Variants in ASIC1 observed in about 807,000 individuals in gnomAD.
The protein encoded by ASIC1 is acid-sensing ion channel 1.
In ASIC1, 21 loss-of-function variants were observed where a neutral mutation model predicts 63.4. The observed-to-expected ratio is 0.33, with a 90% confidence interval of 0.23 to 0.48. The LOEUF (loss-of-function observed/expected upper bound fraction) is 0.48. ASIC1 is among the 20% of genes least tolerant of loss of function. The pLI, the probability that ASIC1 is intolerant of heterozygous loss-of-function variation, is 0.99. For synonymous variants in ASIC1, 258 were observed against 278.2 expected, an observed-to-expected ratio of 0.93 and a Z score of 0.72; for missense variants, 478 against 695.5, an observed-to-expected ratio of 0.69 and a Z score of 3.52.
At position 50,083,176 on chromosome 12, in the gene ASIC1, T is replaced by C. The variant is rs1950738484; in HGVS notation, c.*1527T>C. On this transcript the variant is annotated 3_prime_UTR_variant, in exon 12 of 12. Transcript: ENST00000447966. ...TGCCCAGCCCCCTTTCCTCACCTGA[T>C]ACCCAAGCCCACCACTTTTATTTTC... 6.6e-6 allele frequency: 1 copy of C among 152,244 alleles called. No homozygotes were observed. The highest frequency in any genetic ancestry group is 6.5e-5 in the Admixed American group (1 of 15,278). The allele number at this position is 152,244 out of a possible 1,614,324, so 9.4% of individuals were successfully genotyped here.
At chr12:50,062,724 C>A (rs564191861) in intron 3 of ASIC1, among the ~76,000 whole-genome samples, 1 of 152,316 alleles carries the variant, frequency 6.6e-6, no homozygotes, top group East Asian at 1.9e-4. Flanking sequence ...CATAAGAAGA[C>A]AATTCAGGGA....
Position 50,081,354 on chromosome 12 carries a change from T to C in ASIC1, c.1472T>C (p.Val491Ala). 4 of 1,603,818 alleles carry C rather than the reference T, an allele frequency of 2.5e-6. No homozygotes were observed. The highest frequency in any genetic ancestry group is 3.4e-6 in the Non-Finnish European group (4 of 1,175,382). The change falls in exon 11 of 12, where the codon GTC (valine) becomes GCC (alanine). Residue 491 changes from valine to alanine, a missense_variant. This residue lies in a region of ASIC1 where 104 missense variants were observed against 97.0 expected (regional missense o/e 1.07). Coordinates refer to ENST00000447966, the MANE Select transcript of ASIC1 (RefSeq NM_001095.4). ...DKGVALSLDD[V>A]KRHNPCESLR... ...GGCGTGGCCCTCAGCCTGGACGACGTCAAAAGACACGTGAGGGAGCGAGCG... is the reference window on the plus strand; with the variant it reads ...GGCGTGGCCCTCAGCCTGGACGACGCCAAAAGACACGTGAGGGAGCGAGCG...
chr12:50,073,939 C>T (rs146037659), intron 3 of ASIC1: 2 of 1,535,910 alleles, frequency 1.3e-6, no homozygotes, highest in African/African-American at 1.4e-5. Flanking sequence ...CAGCTACCCA[C>T]ACGTGACCCT....
Position 50,058,789 on chromosome 12 carries a change from A to G in ASIC1, c.23A>G (p.Glu8Gly). ...AGGATGGAACTGAAGGCCGAGGAGG[A>G]GGAGGTGGGTGGCGTCCAGCCGGTG... MELKAEEEEVGGVQPVSI... is the reference protein window; with the variant it reads MELKAEEGEVGGVQPVSI... Residue 8 changes from glutamate to glycine, a missense_variant, in exon 2 of 12, where the codon GAG (glutamate) becomes GGG (glycine). Coordinates refer to ENST00000447966, the MANE Select transcript of ASIC1 (RefSeq NM_001095.4). 1 of 1,590,756 alleles carries G rather than the reference A, an allele frequency of 6.3e-7. No individual in the cohort carries two copies. The highest frequency in any genetic ancestry group is 8.6e-7 in the Non-Finnish European group (1 of 1,165,042).
At position 50,059,348 on chromosome 12, in the gene ASIC1, C is replaced by A. The variant is rs1565723616; in HGVS notation, c.362+220C>A. Among the ~76,000 whole-genome samples the A allele has an allele frequency of 6.6e-6, 1 of 152,168 alleles. No homozygotes were observed. Among genetic ancestry groups the A allele is most frequent in the South Asian group, 2.1e-4 (1 of 4,834 alleles). Reference sequence around the variant, plus strand: ...CCCAGCATAGTCCAGAACAGCTCGACCCCCACCCAGCCTGAGGTATGAGAC... The same window carrying A: ...CCCAGCATAGTCCAGAACAGCTCGAACCCCACCCAGCCTGAGGTATGAGAC... On this transcript the variant is annotated intron_variant, in intron 2 of 11. Coordinates refer to ENST00000447966, the MANE Select transcript of ASIC1 (RefSeq NM_001095.4). The surrounding 1 kb of genome is among the most constrained non-coding windows in gnomAD (Gnocchi z 4.6).
chr12:50,068,883 C>T (rs924910543), intron 3 of ASIC1, among the ~76,000 whole-genome samples: 2 of 152,150 alleles, frequency 1.3e-5, no homozygotes, highest in South Asian at 2.1e-4. Flanking sequence ...CTTTGGGCCA[C>T]GGCAATGGCT....
At position 50,077,225 on chromosome 12, in the gene ASIC1, T is replaced by C; in HGVS notation, c.571T>C (p.Tyr191His). 1.2e-6 allele frequency: 2 copies of C among 1,611,044 alleles called. No individual in the cohort carries two copies. Among genetic ancestry groups the C allele is most frequent in the Non-Finnish European group, 1.7e-6 (2 of 1,178,294 alleles). Residue 191 changes from tyrosine (Y) to histidine (H), a missense_variant, in exon 4 of 12, where the codon TAT (tyrosine) becomes CAT (histidine). Tyr to His is a moderately conservative substitution (Grantham distance 83, BLOSUM62 2). Transcript: ENST00000447966. ...AEDFKVVFTR[Y>H]GKCYTFNSGR... ...CTGCCCTCGCCAGGTCTTCACACGCTATGGAAAGTGCTACACGTTCAACTC... is the reference window on the plus strand; with the variant it reads ...CTGCCCTCGCCAGGTCTTCACACGCCATGGAAAGTGCTACACGTTCAACTC...
intron 3 of ASIC1, among the ~76,000 whole-genome samples, chr12:50,069,303 TA>T (rs1325835846): frequency 4.7e-5 from 7 of 149,906 alleles, no homozygotes; most frequent in Non-Finnish European, 1.0e-4. Context: ...TTATTTAATT[TA>T]TTTTTTTGAG....
At chr12:50,073,748 C>A (rs1950623059) in intron 3 of ASIC1, 1 of 1,536,310 alleles carries the variant, frequency 6.5e-7, no homozygotes, top group Non-Finnish European at 8.7e-7. Context: ...AGGAAGGAGG[C>A]CAGTGAGGGG....
In ASIC1 at chr12:50,057,652, C is replaced by G. The variant is rs909342658; in HGVS notation, c.-281C>G. On this transcript the variant is annotated 5_prime_UTR_variant, in exon 1 of 12. Coordinates refer to ENST00000447966, the MANE Select transcript of ASIC1 (RefSeq NM_001095.4). The surrounding 1 kb of genome is among the most constrained non-coding windows in gnomAD (Gnocchi z 4.7). Reference sequence around the variant, plus strand: ...CGATGGATCCCTGCAGATCCCAGGGCTGAGAGCACCGCGCACCGCGCCGAG... The same window carrying G: ...CGATGGATCCCTGCAGATCCCAGGGGTGAGAGCACCGCGCACCGCGCCGAG... The G allele has an allele frequency of 2.0e-5, 3 of 151,964 alleles. No individual in the cohort carries two copies. The highest frequency in any genetic ancestry group is 4.4e-5 in the Non-Finnish European group (3 of 67,936). The allele number at this position is 151,964 out of a possible 1,614,324, so 9.4% of individuals were successfully genotyped here. A position where few individuals can be genotyped will look rare whatever the true frequency, so the allele number is the denominator to read the frequency against.
chr12:50,058,668 A>G, intron 1 of ASIC1, 83 bp from the exon 2 acceptor site: 1 of 1,483,878 alleles, frequency 6.7e-7, no homozygotes, highest in Non-Finnish European at 9.0e-7. Flanking sequence ...GGAGATGAGG[A>G]TTCTGGATGG....
chr12:50,081,078 C>T (rs1311298520), intron 9 of ASIC1, 24 bp from the exon 10 acceptor site: 4 of 1,558,056 alleles, frequency 2.6e-6, no homozygotes, highest in Admixed American at 1.9e-5. Flanking sequence ...ACCCCACTGA[C>T]CCCCCTGGCG....
intron 3 of ASIC1, among the ~76,000 whole-genome samples, chr12:50,060,217 G>A (rs1000923131): frequency 6.6e-6 from 1 of 152,190 alleles, no homozygotes; most frequent in Non-Finnish European, 1.5e-5. Context: ...ATGCACACAC[G>A]TGCGTGGTCT....
intron 3 of ASIC1, among the ~76,000 whole-genome samples, chr12:50,060,357 A>G (rs1950489999): frequency 6.6e-6 from 1 of 152,196 alleles, no homozygotes; most frequent in African/African-American, 2.4e-5. Flanking sequence ...CTTGAAAGGA[A>G]TGCAGGACTT....
Position 50,078,342 on chromosome 12 carries a change from G to T in ASIC1, c.838-79G>T. Reference sequence around the variant, plus strand: ...GAGGGGAGCAGAACTCCAGAGATCTGCATCTTGTCAGAGGAGTCCATCAAG... The same window carrying T: ...GAGGGGAGCAGAACTCCAGAGATCTTCATCTTGTCAGAGGAGTCCATCAAG... On this transcript the variant is annotated intron_variant, in intron 5 of 11. Coordinates refer to ENST00000447966, the MANE Select transcript of ASIC1 (RefSeq NM_001095.4). The surrounding 1 kb of genome is among the most constrained non-coding windows in gnomAD (Gnocchi z 6.0). 1 of 1,575,638 alleles carries T rather than the reference G, an allele frequency of 6.3e-7. No individual in the cohort carries two copies. The highest frequency in any genetic ancestry group is 8.7e-7 in the Non-Finnish European group (1 of 1,155,720).
In ASIC1 at chr12:50,074,059, C is replaced by G; in HGVS notation, c.559-3154C>G. On this transcript the variant is annotated intron_variant, in intron 3 of 11. Transcript: ENST00000447966. The surrounding 1 kb of genome is among the most constrained non-coding windows in gnomAD (Gnocchi z 4.2). ...CTACCCTGACTTGCTTTATTTGGCC[C>G]CCATGCTGGGACTGGATGAAAGTGA... The G allele has an allele frequency of 6.5e-7, 1 of 1,534,814 alleles. No homozygotes were observed. Among genetic ancestry groups the G allele is most frequent in the South Asian group, 1.2e-5 (1 of 83,922 alleles).
chr12:50,060,507 C>T (rs1950491523), intron 3 of ASIC1, among the ~76,000 whole-genome samples: 1 of 152,232 alleles, frequency 6.6e-6, no homozygotes, highest in Admixed American at 6.5e-5. Context: ...CAGACAGTAA[C>T]TCCCTGTGTG....
At chr12:50,068,864 T>C (rs1979702) in intron 3 of ASIC1, among the ~76,000 whole-genome samples, 86,070 of 151,826 alleles carry the variant, frequency 0.57, 24,708 homozygotes, top group East Asian at 0.72. Flanking sequence ...ATCCCACCAC[T>C]GCATGTCTCT....
intron 3 of ASIC1, chr12:50,073,661 G>T (rs1950621674): frequency 6.5e-7 from 1 of 1,536,198 alleles, no homozygotes; most frequent in African/African-American, 1.4e-5. Context: ...GATATTTGGG[G>T]TCCCCACCAC....
Sources: gnomAD v4.1 joint callset for allele counts (sites outside exome capture counted in the v4.1 genomes callset) on GRCh38, gnomAD v4.1.1 for gene constraint, gnomAD v4.1.1 regional missense constraint, Gnocchi (gnomAD v3.1) non-coding constraint, MANE v1.5 for transcripts, NCBI Gene and HGNC (gene_info 2026-07-23, HGNC 2026-07-21) for gene names.